CRY1: variants seen among roughly 807,000 people sequenced by gnomAD.
CRY1 encodes cryptochrome-1.
A neutral mutation model predicts 76.0 loss-of-function variants in CRY1; 45 were observed. That is an observed-to-expected ratio of 0.59 (90% CI 0.47 to 0.76). The LOEUF (loss-of-function observed/expected upper bound fraction) is 0.76, where lower values mean the gene tolerates loss of function less well. Ranked by LOEUF, CRY1 falls within the 30% of genes least tolerant of loss-of-function variation. The pLI, the probability that CRY1 is intolerant of heterozygous loss-of-function variation, is 0.00. For missense variants in CRY1, 587 were observed against 716.4 expected, an observed-to-expected ratio of 0.82 and a Z score of 2.06; for synonymous variants, 248 against 244.0, an observed-to-expected ratio of 1.02 and a Z score of -0.15.
chr12:107,078,651 A>G (rs1953286716), intron 1 of CRY1, among the ~76,000 whole-genome samples: 1 of 152,170 alleles, frequency 6.6e-6, no homozygotes, highest in South Asian at 2.1e-4. Context: ...TAATTCCCAG[A>G]GTGAAATTTC....
At chr12:107,006,689 GTGC>G (rs1952379395) in intron 2 of CRY1, among the ~76,000 whole-genome samples, 2 of 15,590 alleles carry the variant, frequency 1.3e-4, no homozygotes, top group East Asian at 0.2. Context: ...CCAGGCTGAA[GTGC>G]AGTGGCTGAA....
Position 107,092,962 on chromosome 12 carries a change from G to T in CRY1, c.-1C>A. The T allele has an allele frequency of 6.5e-7, 1 of 1,539,838 alleles. No homozygotes were observed. Among genetic ancestry groups the T allele is most frequent in the South Asian group, 1.2e-5 (1 of 80,010 alleles). ...ACCAGTGCACGGCGTTCACCCCCAT[G>T]CCGGGGGGCGCGGCGGGTCCTCCAC... On this transcript the variant is annotated 5_prime_UTR_variant, in exon 1 of 13. Coordinates refer to ENST00000008527, the MANE Select transcript of CRY1 (RefSeq NM_004075.5).
At chr12:107,011,992 C>T (rs1315196694) in intron 2 of CRY1, among the ~76,000 whole-genome samples, 1 of 152,086 alleles carries the variant, frequency 6.6e-6, no homozygotes, top group African/African-American at 2.4e-5. Flanking sequence ...GAGTTCGAGA[C>T]CAGTCTGGCC....
At chr12:107,010,335 T>G (rs1952429626) in intron 2 of CRY1, among the ~76,000 whole-genome samples, 1 of 152,180 alleles carries the variant, frequency 6.6e-6, no homozygotes, top group Non-Finnish European at 1.5e-5. Context: ...GTTTTTGGCT[T>G]TGTTGACTAA....
chr12:106,993,838 TA>T (rs1210988438), intron 10 of CRY1, among the ~76,000 whole-genome samples: 5 of 151,974 alleles, frequency 3.3e-5, no homozygotes, highest in African/African-American at 7.2e-5. Context: ...TATTTTACAA[TA>T]AAAAAACCTA....
chr12:106,999,704 G>C lies in CRY1; in HGVS notation c.984C>G (p.Ala328=). 6.2e-7 allele frequency: 1 copy of C among 1,614,194 alleles called. No homozygotes were observed. Among genetic ancestry groups the C allele is most frequent in the East Asian group, 2.2e-5 (1 of 44,884 alleles). ...IPWDKNPEAL[A]KWAEGRTGFP... ...AGCCTGTCCGGCCTTCCGCCCATTT[G>C]GCTAAAGCCTCAGGATTTTTATCCC... The change falls in exon 7 of 13, where the codon GCC becomes GCG. Residue 328 remains alanine (A), a synonymous_variant. Coordinates refer to ENST00000008527, the MANE Select transcript of CRY1 (RefSeq NM_004075.5).
At chr12:107,002,689 GC>G (rs1952325331) in intron 3 of CRY1, among the ~76,000 whole-genome samples, 1 of 152,072 alleles carries the variant, frequency 6.6e-6, no homozygotes, top group South Asian at 2.1e-4. Context: ...GTTTGGCTGT[GC>G]CCCCACCAAA....
intron 1 of CRY1, among the ~76,000 whole-genome samples, chr12:107,034,469 C>T (rs919292391): frequency 1.3e-5 from 2 of 152,086 alleles, no homozygotes; most frequent in African/African-American, 4.8e-5. Flanking sequence ...CTCTACTTGT[C>T]TAATAAATTC....
At chr12:107,000,103 T>TTA (rs750313567) in intron 5 of CRY1, 21 bp from the exon 6 acceptor site, 1 of 1,567,772 alleles carries the variant, frequency 6.4e-7, no homozygotes, top group Non-Finnish European at 8.6e-7. Flanking sequence ...ACAGAGAAAA[T>TTA]TATATTAACT....
chr12:107,072,694 C>T (rs1213095354), intron 1 of CRY1, among the ~76,000 whole-genome samples: 3 of 152,172 alleles, frequency 2.0e-5, no homozygotes, highest in Non-Finnish European at 4.4e-5. Context: ...TGTAAACACA[C>T]ATTCATATTA....
At chr12:107,029,767 G>A (rs1593512974) in intron 1 of CRY1, among the ~76,000 whole-genome samples, 1 of 152,054 alleles carries the variant, frequency 6.6e-6, no homozygotes, top group South Asian at 2.1e-4. Flanking sequence ...TACTCACAGA[G>A]CTTAAAACCT....
In CRY1 at chr12:107,021,727, A is replaced by C. The variant is rs553286183; in HGVS notation, c.267+357T>G. Among the ~76,000 whole-genome samples, 371 of 152,080 alleles carry C rather than the reference A, an allele frequency of 2.4e-3. 1 individual carries two copies. Among genetic ancestry groups the C allele is most frequent in the Middle Eastern group, 0.01 (3 of 294 alleles). On this transcript the variant is annotated intron_variant, in intron 2 of 12. Transcript: ENST00000008527. ...ATATATATATACACACACACACACA[A>C]AAATATATATATATACACACACAAA...
At chr12:107,012,340 A>G (rs1344607283) in intron 2 of CRY1, among the ~76,000 whole-genome samples, 1 of 152,244 alleles carries the variant, frequency 6.6e-6, no homozygotes, top group Non-Finnish European at 1.5e-5. Flanking sequence ...CTTGAGAACT[A>G]TGCTAAATCT....
chr12:107,088,034 G>A (rs972964225), intron 1 of CRY1, among the ~76,000 whole-genome samples: 9 of 151,978 alleles, frequency 5.9e-5, no homozygotes, highest in South Asian at 2.1e-4. Flanking sequence ...GTGATACCCC[G>A]TCTCAAAAAT....
intron 1 of CRY1, among the ~76,000 whole-genome samples, chr12:107,062,025 C>CAAA (rs35683352): frequency 3.2e-5 from 3 of 93,556 alleles, no homozygotes; most frequent in South Asian, 3.5e-4. Context: ...GACCCTGTCT[C>CAAA]AAAAAAAAAA....
intron 1 of CRY1, among the ~76,000 whole-genome samples, chr12:107,087,745 T>C (rs1170860788): frequency 6.6e-6 from 1 of 152,200 alleles, no homozygotes. Flanking sequence ...GAGATGATTA[T>C]ATCTTACAAT....
chr12:107,006,638 C>CGTTTTTTTTTTTTTTTTTT lies in CRY1; in HGVS notation c.268-1391_268-1390insAAAAAAAAAAAAAAAAAAC, dbSNP rs71076707. On this transcript the variant is annotated intron_variant, in intron 2 of 12. Transcript: ENST00000008527. The stretch of plus-strand genomic sequence containing the variant: ...CTTGCCAATAATATGTATTAGTAAT[C>CGTTTTTTTTTTTTTTTTTT]TTTTTTTTTTTTTTTTTTAGATGAC... Among the ~76,000 whole-genome samples the CGTTTTTTTTTTTTTTTTTT allele has an allele frequency of 1.5e-5, 2 of 137,108 alleles. 1 individual carries two copies. The allele number at this position is 137,108 out of a possible 152,430, so 89.9% of individuals were successfully genotyped here. A position where few individuals can be genotyped will look rare whatever the true frequency, so the allele number is the denominator to read the frequency against.
intron 1 of CRY1, among the ~76,000 whole-genome samples, chr12:107,046,623 T>C (rs1335063774): frequency 1.3e-5 from 2 of 152,184 alleles, no homozygotes; most frequent in Non-Finnish European, 1.5e-5. Context: ...AATGATCCAA[T>C]TGTATTCTGC....
chr12:107,034,853 C>G (rs1168097226), intron 1 of CRY1, among the ~76,000 whole-genome samples: 1 of 152,108 alleles, frequency 6.6e-6, no homozygotes, highest in Non-Finnish European at 1.5e-5. Flanking sequence ...GGATTAAAAT[C>G]ACTTAATTTC....
Sources: allele counts gnomAD v4.1 joint callset (sites outside exome capture counted in the v4.1 genomes callset), GRCh38; gene constraint gnomAD v4.1.1; transcripts MANE v1.5; gene names NCBI Gene and HGNC (gene_info 2026-07-23, HGNC 2026-07-21).